The following CASTOR2 variants were observed in gnomAD, a reference collection of about 807,000 sequenced individuals.
The protein encoded by CASTOR2 is cytosolic arginine sensor for mTORC1 subunit 2, also known as GATS protein like 2.
A neutral mutation model predicts 31.2 loss-of-function variants in CASTOR2; 8 were observed. That is an observed-to-expected ratio of 0.26 (90% confidence interval 0.15 to 0.46). CASTOR2 has a LOEUF of 0.46. Among genes scored for constraint, CASTOR2 ranks in the 20% least tolerant of loss-of-function variants. CASTOR2 has a pLI of 0.99. For synonymous variants in CASTOR2, 162 were observed against 158.7 expected (o/e 1.02, Z -0.16); for missense variants, 216 against 382.1 (o/e 0.57, Z 3.62).
chr7:74,987,895 A>G (rs2131927474), intron 1 of CASTOR2, among the ~76,000 whole-genome samples: 1 of 151,818 alleles, frequency 6.6e-6, no homozygotes, highest in East Asian at 1.9e-4. Context: ...TTTAGTAGAG[A>G]CAGGGTTTCA....
intron 1 of CASTOR2, among the ~76,000 whole-genome samples, chr7:74,994,046 G>C (rs1442992825): frequency 6.6e-6 from 1 of 152,198 alleles, no homozygotes; most frequent in African/African-American, 2.4e-5. Context: ...CACTCTGTGG[G>C]CTTAGGAATC....
At position 75,024,900 on chromosome 7, in the gene CASTOR2, G is replaced by C; in HGVS notation, c.*201G>C. 7.6e-7 allele frequency: 1 copy of C among 1,311,814 alleles called. No homozygotes were observed. Among genetic ancestry groups the C allele is most frequent in the Non-Finnish European group, 1.1e-6 (1 of 950,536 alleles). 81.3% of individuals were successfully genotyped at this position (1,311,814 alleles called of 1,614,324 possible). A position where few individuals can be genotyped will look rare whatever the true frequency, so the allele number is the denominator to read the frequency against. On this transcript the variant is annotated 3_prime_UTR_variant, in exon 9 of 9. Coordinates refer to ENST00000616305, the MANE Select transcript of CASTOR2 (RefSeq NM_001145064.3). ...CTCTCCATGCCCTCCTGCCTTCCCG[G>C]AGCCCCCCGACCCTCCAGAGAACGA...
intron 1 of CASTOR2, among the ~76,000 whole-genome samples, chr7:74,991,665 C>T (rs1275937716): frequency 6.7e-6 from 1 of 148,950 alleles, no homozygotes; most frequent in East Asian, 1.9e-4. Flanking sequence ...AGGTGTGGGT[C>T]GTGTTGAGGA....
chr7:74,984,202 C>T (rs1804011721), intron 1 of CASTOR2, among the ~76,000 whole-genome samples: 2 of 149,532 alleles, frequency 1.3e-5, no homozygotes, highest in East Asian at 2.0e-4. Flanking sequence ...CTTGGGTTTT[C>T]GCTCAGTTTC....
Position 75,029,406 on chromosome 7 carries a change from C to T in CASTOR2, c.*4707C>T, listed in dbSNP as rs900949991. Among the ~76,000 whole-genome samples the T allele has an allele frequency of 3.5e-5, 5 of 144,562 alleles. No homozygotes were observed. The highest frequency in any genetic ancestry group is 7.8e-5 in the African/African-American group (3 of 38,538). The allele number at this position is 144,562 out of a possible 152,430, so 94.8% of individuals were successfully genotyped here. ...TGAGACAGGCTGGAGTGCAGTGGTG[C>T]GATCTCGGTTCGCTGCAACCTCTGC... On this transcript the variant is annotated 3_prime_UTR_variant, in exon 9 of 9. Coordinates refer to ENST00000616305, the MANE Select transcript of CASTOR2 (RefSeq NM_001145064.3).
At chr7:74,994,577 C>T (rs1584466457) in intron 1 of CASTOR2, among the ~76,000 whole-genome samples, 1 of 151,996 alleles carries the variant, frequency 6.6e-6, no homozygotes, top group African/African-American at 2.4e-5. Context: ...AGTGAAACCC[C>T]ATCTCTACTA....
intron 2 of CASTOR2, among the ~76,000 whole-genome samples, chr7:75,011,460 C>T (rs1255618336): frequency 2.0e-5 from 3 of 146,726 alleles, no homozygotes; most frequent in South Asian, 4.3e-4. Context: ...TGAGGCCGGG[C>T]GCGGTGGCTC....
intron 6 of CASTOR2, among the ~76,000 whole-genome samples, chr7:75,020,529 C>T (rs1197045880): frequency 1.3e-4 from 20 of 149,984 alleles, no homozygotes; most frequent in Admixed American, 2.7e-4. Context: ...CTCGCTCTGT[C>T]GCCCAGGCTG....
chr7:75,015,803 A>G (rs1337997817), intron 2 of CASTOR2, among the ~76,000 whole-genome samples: 1 of 151,998 alleles, frequency 6.6e-6, no homozygotes, highest in Non-Finnish European at 1.5e-5. Context: ...GCGGTGGCTC[A>G]CGATTGTAAT....
At chr7:75,007,891 A>T (rs1804640703) in intron 1 of CASTOR2, 103 bp from the exon 2 acceptor site, 14 of 1,561,900 alleles carry the variant, frequency 9.0e-6, no homozygotes, top group Non-Finnish European at 1.1e-5. Context: ...TGGGGCCGGA[A>T]CTCTGGGTGA....
intron 1 of CASTOR2, 75 bp from the exon 2 acceptor site, chr7:75,007,919 A>G (rs1406627094): frequency 1.7e-5 from 27 of 1,609,096 alleles, no homozygotes; most frequent in Middle Eastern, 1.6e-4. Flanking sequence ...CATCATCCCC[A>G]GGGCACGGGT....
In CASTOR2 at chr7:74,998,552, G is replaced by A. The variant is rs1249965066; in HGVS notation, c.114-9442G>A. Reference sequence around the variant, plus strand: ...TGGGAGACAGAAGTTGCAGTGAGCCGAGATCGCACCACTGCACTCCAGCCT... The same window carrying A: ...TGGGAGACAGAAGTTGCAGTGAGCCAAGATCGCACCACTGCACTCCAGCCT... On this transcript the variant is annotated intron_variant, in intron 1 of 8. Transcript: ENST00000616305. 6.9e-3 allele frequency among the ~76,000 whole-genome samples: 1,034 copies of A among 150,060 alleles called. 4 individuals are homozygous for A. Among genetic ancestry groups the A allele is most frequent in the Non-Finnish European group, 0.012 (801 of 67,742 alleles).
At chr7:74,972,704 G>C (rs1803704547) in intron 1 of CASTOR2, among the ~76,000 whole-genome samples, 1 of 150,754 alleles carries the variant, frequency 6.6e-6, no homozygotes, top group African/African-American at 2.4e-5. Flanking sequence ...TTTTGAGACA[G>C]AGTCTTGCTC....
chr7:75,021,269 G>A lies in CASTOR2; in HGVS notation c.747-605G>A, dbSNP rs973535446. The stretch of plus-strand genomic sequence containing the variant: ...GGCCTCCCAAAGTGCTGGGATTACC[G>A]GCGTGAGCCACCGCACCTGGCCAAT... On this transcript the variant is annotated intron_variant, in intron 6 of 8. Coordinates refer to ENST00000616305, the MANE Select transcript of CASTOR2 (RefSeq NM_001145064.3). Among the ~76,000 whole-genome samples, 107 of 152,288 alleles carry A rather than the reference G, an allele frequency of 7.0e-4. 1 individual carries two copies. In the East Asian group the frequency reaches 0.017, roughly 24 times the overall value.
chr7:75,021,136 C>T (rs1294496577), intron 6 of CASTOR2, among the ~76,000 whole-genome samples: 8 of 152,228 alleles, frequency 5.3e-5, no homozygotes, highest in South Asian at 2.1e-4. Context: ...GAACTACAGG[C>T]GCACACCACC....
intron 1 of CASTOR2, among the ~76,000 whole-genome samples, chr7:74,993,440 T>C (rs1804259550): frequency 7.9e-6 from 1 of 126,536 alleles, no homozygotes; most frequent in Admixed American, 1.1e-4. Context: ...AAGGTCCTCC[T>C]TTGTCTTTTT....
chr7:74,989,694 A>G (rs2131929186), intron 1 of CASTOR2, among the ~76,000 whole-genome samples: 1 of 151,574 alleles, frequency 6.6e-6, no homozygotes, highest in East Asian at 1.9e-4. Context: ...GGGTATGGGT[A>G]TGAATCACTG....
At chr7:74,987,288 T>C (rs1219127616) in intron 1 of CASTOR2, among the ~76,000 whole-genome samples, 1 of 151,640 alleles carries the variant, frequency 6.6e-6, no homozygotes, top group Non-Finnish European at 1.5e-5. Context: ...GCCTGTAATC[T>C]CAGCTACTCG....
intron 1 of CASTOR2, among the ~76,000 whole-genome samples, chr7:74,972,028 G>C (rs1298750891): frequency 6.6e-6 from 1 of 150,572 alleles, no homozygotes; most frequent in Non-Finnish European, 1.5e-5. Context: ...GCCCAGGCTG[G>C]AGTGCAGTGG....
Sources: allele counts gnomAD v4.1 joint callset (sites outside exome capture counted in the v4.1 genomes callset), GRCh38; gene constraint gnomAD v4.1.1; transcripts MANE v1.5; gene names NCBI Gene and HGNC (gene_info 2026-07-23, HGNC 2026-07-21).